Variants in OGDH observed in about 807,000 individuals in gnomAD.
OGDH encodes the protein oxoglutarate dehydrogenase.
A neutral mutation model predicts 116.6 loss-of-function variants in OGDH; 38 were observed. That is an observed-to-expected ratio of 0.33 (90% CI 0.25 to 0.43). OGDH has a LOEUF of 0.43. Among genes scored for constraint, OGDH ranks in the 20% least tolerant of loss-of-function variants. The pLI is 1.00. For synonymous variants in OGDH, 488 were observed against 533.3 expected, an observed-to-expected ratio of 0.92 and a Z score of 1.17; for missense variants, 825 against 1,357.2, an observed-to-expected ratio of 0.61 and a Z score of 6.16.
At position 44,626,340 on chromosome 7, in the gene OGDH, C is replaced by CCCCT. The variant is rs1253293855; in HGVS notation, c.222+1775_222+1776insCCCT. Among the ~76,000 whole-genome samples the CCCCT allele has an allele frequency of 6.9e-3, 933 of 135,752 alleles. 8 individuals are homozygous for CCCCT. The highest frequency in any genetic ancestry group is 0.025 in the African/African-American group (846 of 34,176). 89.1% of individuals were successfully genotyped at this position (135,752 alleles called of 152,430 possible). A position where few individuals can be genotyped will look rare whatever the true frequency, so the allele number is the denominator to read the frequency against. On this transcript the variant is annotated intron_variant, in intron 2 of 22. Coordinates refer to ENST00000222673, the MANE Select transcript of OGDH (RefSeq NM_002541.4). The stretch of plus-strand genomic sequence containing the variant: ...ACACACACACACACACACCCCTACA[C>CCCCT]ACACACACACACACACACACCCCTA...
chr7:44,675,930 C>T (rs769901476), intron 8 of OGDH, 40 bp from the exon 9 acceptor site: 3 of 1,598,840 alleles, frequency 1.9e-6, no homozygotes, highest in East Asian at 2.3e-5. Context: ...GACTGAGCAT[C>T]TCCTTGGCCA....
At chr7:44,609,425 G>C (rs1238031909) in intron 1 of OGDH, among the ~76,000 whole-genome samples, 1 of 150,598 alleles carries the variant, frequency 6.6e-6, no homozygotes, top group Admixed American at 6.7e-5. Flanking sequence ...TGGGAGGATC[G>C]CTTGAGCCTA....
intron 1 of OGDH, among the ~76,000 whole-genome samples, chr7:44,616,146 T>C (rs1784758501): frequency 6.6e-6 from 1 of 152,202 alleles, no homozygotes; most frequent in East Asian, 1.9e-4. Flanking sequence ...ACGCCTCATG[T>C]TTTTAGCTAT....
At chr7:44,632,700 C>T (rs1240723368) in intron 2 of OGDH, among the ~76,000 whole-genome samples, 2 of 151,972 alleles carry the variant, frequency 1.3e-5, no homozygotes, top group African/African-American at 4.8e-5. Context: ...TCACTGCAAC[C>T]TCCGCCTCCC....
intron 9 of OGDH, chr7:44,676,600 ATGTGTG>A: frequency 1.2e-5 from 2 of 163,888 alleles, no homozygotes; most frequent in South Asian, 3.2e-4. Context: ...ATATGTATGT[ATGTGTG>A]TGTGTGTGTA....
intron 2 of OGDH, 119 bp downstream of exon 2, chr7:44,624,684 C>A (rs1785135525): frequency 1.2e-6 from 1 of 821,510 alleles, no homozygotes; most frequent in Non-Finnish European, 2.1e-6. Context: ...GCTGGAGCGC[C>A]ATACCAACCA....
rs1163703907 is a variant in OGDH, at chr7:44,671,029, GAAAAGAAAA to G, written c.634-2748_634-2740del. 2.0e-4 allele frequency among the ~76,000 whole-genome samples: 28 copies of G among 139,718 alleles called. 1 individual carries two copies. Among genetic ancestry groups the G allele is most frequent in the Middle Eastern group, 3.6e-3 (1 of 280 alleles). 91.7% of individuals were successfully genotyped at this position (139,718 alleles called of 152,430 possible). On this transcript the variant is annotated intron_variant, in intron 5 of 22. Coordinates refer to ENST00000222673, the MANE Select transcript of OGDH (RefSeq NM_002541.4). Reference sequence around the variant, plus strand: ...CCATCTCAAAAAAAAAAAAAAAAAAGAAAAGAAAAAAAAGAAAATATGGTTTGGGGTTGT... The same window carrying G: ...CCATCTCAAAAAAAAAAAAAAAAAAGAAAAGAAAATATGGTTTGGGGTTGT...
intron 9 of OGDH, 96 bp downstream of exon 9, chr7:44,676,245 A>G: frequency 6.2e-7 from 1 of 1,600,258 alleles, no homozygotes; most frequent in Non-Finnish European, 8.5e-7. Flanking sequence ...CCCTGGGTGC[A>G]TCTAGACTTT....
At chr7:44,620,840 G>A (rs557136095) in intron 1 of OGDH, among the ~76,000 whole-genome samples, 1 of 152,122 alleles carries the variant, frequency 6.6e-6, no homozygotes, top group Non-Finnish European at 1.5e-5. Flanking sequence ...ATGTGGCCCA[G>A]GGAAGCCAAA....
At chr7:44,689,073 C>T (rs988212634) in intron 10 of OGDH, among the ~76,000 whole-genome samples, 26 of 151,966 alleles carry the variant, frequency 1.7e-4, no homozygotes, top group African/African-American at 6.3e-4. Context: ...GTTTGAATTC[C>T]TTTTCGGGTA....
At position 44,642,935 on chromosome 7, in the gene OGDH, A is replaced by AT. The variant is rs376634003; in HGVS notation, c.223-2387dup. On this transcript the variant is annotated intron_variant, in intron 2 of 22. Transcript: ENST00000222673. Reference sequence around the variant, plus strand: ...AGACTCTGTCTCAAAAAAAAAAAAAATTTTTAAATATAATTCACATAACAT... The same window carrying AT: ...AGACTCTGTCTCAAAAAAAAAAAAAATTTTTTAAATATAATTCACATAACAT... Among the ~76,000 whole-genome samples the AT allele has an allele frequency of 2.0e-3, 306 of 151,202 alleles. 3 individuals carry two copies. Among genetic ancestry groups the AT allele is most frequent in the African/African-American group, 7.1e-3 (293 of 41,148 alleles).
intron 10 of OGDH, 101 bp downstream of exon 10, chr7:44,681,949 T>G: frequency 6.8e-7 from 1 of 1,465,548 alleles, no homozygotes; most frequent in South Asian, 1.3e-5. Flanking sequence ...ATTATAAAAA[T>G]ACATCTGTTA....
In OGDH at chr7:44,681,520, G is replaced by T. The variant is rs556098742; in HGVS notation, c.1207-200G>T. The stretch of plus-strand genomic sequence containing the variant: ...GCTGAGAACAGATGATGATGGCAGG[G>T]TGTGTTGGTGTTGAGCAGATATACC... On this transcript the variant is annotated intron_variant, in intron 9 of 22. Coordinates refer to ENST00000222673, the MANE Select transcript of OGDH (RefSeq NM_002541.4). 3.9e-5 allele frequency among the ~76,000 whole-genome samples: 6 copies of T among 152,372 alleles called. No individual in the cohort carries two copies. The South Asian group carries it at 1.0e-3, about 26-fold the overall frequency.
At chr7:44,703,973 G>A (rs755551958) in intron 20 of OGDH, among the ~76,000 whole-genome samples, 27 of 152,140 alleles carry the variant, frequency 1.8e-4, no homozygotes, top group Admixed American at 4.6e-4. Flanking sequence ...CACTTGGGTT[G>A]CTTCCATGTT....
At chr7:44,633,522 C>A (rs1227613512) in intron 2 of OGDH, among the ~76,000 whole-genome samples, 1 of 152,154 alleles carries the variant, frequency 6.6e-6, no homozygotes, top group Non-Finnish European at 1.5e-5. Flanking sequence ...TGTTTAGTCT[C>A]TAGGTTACTG....
chr7:44,699,350 G>A (rs964132631), intron 18 of OGDH, among the ~76,000 whole-genome samples: 8 of 150,306 alleles, frequency 5.3e-5, no homozygotes, highest in Non-Finnish European at 7.4e-5. Flanking sequence ...GCTTGAACCC[G>A]GGAGGTGGAG....
Position 44,708,131 on chromosome 7 carries a change from G to T in OGDH, c.*132G>T. 7.9e-7 allele frequency: 1 copy of T among 1,260,908 alleles called. No homozygotes were observed. 78.1% of individuals were successfully genotyped at this position (1,260,908 alleles called of 1,614,324 possible). A position where few individuals can be genotyped will look rare whatever the true frequency, so the allele number is the denominator to read the frequency against. On this transcript the variant is annotated 3_prime_UTR_variant, in exon 23 of 23. Coordinates refer to ENST00000222673, the MANE Select transcript of OGDH (RefSeq NM_002541.4). ...TCGCTGTGCCACCACCCCTCCCTCT[G>T]CTCTCATAGGAGTTAGGCTGTCGTC... is the stretch of plus-strand genomic sequence containing the variant.
At chr7:44,687,341 G>T (rs572582523) in intron 10 of OGDH, among the ~76,000 whole-genome samples, 1 of 149,548 alleles carries the variant, frequency 6.7e-6, no homozygotes, top group Non-Finnish European at 1.5e-5. Flanking sequence ...CAAGTGATCC[G>T]CCTGCCTTGG....
chr7:44,691,150 T>C lies in OGDH; in HGVS notation c.1336-2675T>C, dbSNP rs569825997. Among the ~76,000 whole-genome samples the C allele has an allele frequency of 5.3e-5, 8 of 152,318 alleles. 1 individual carries two copies. The South Asian group carries it at 1.7e-3, about 32-fold the overall frequency. On this transcript the variant is annotated intron_variant, in intron 10 of 22. Coordinates refer to ENST00000222673, the MANE Select transcript of OGDH (RefSeq NM_002541.4). ...GAAGTAACTTCTTAGCTGAGTCTCT[T>C]ATTTCTTTTAGAACATACTTAGAAA...
Sources: gnomAD v4.1 joint callset for allele counts (sites outside exome capture counted in the v4.1 genomes callset) on GRCh38, gnomAD v4.1.1 for gene constraint, MANE v1.5 for transcripts, NCBI Gene and HGNC (gene_info 2026-07-23, HGNC 2026-07-21) for gene names.